ANTXR2: variants seen among roughly 807,000 people sequenced by gnomAD.
ANTXR2 encodes anthrax toxin receptor 2.
Under a neutral mutation model 73.7 loss-of-function variants are expected in ANTXR2, and 44 were observed. The observed-to-expected ratio is 0.60, with a 90% CI of 0.47 to 0.77. The LOEUF (loss-of-function observed/expected upper bound fraction) is 0.77. Ranked by LOEUF, ANTXR2 falls within the 30% of genes least tolerant of loss-of-function variation. ANTXR2 has a pLI of 0.00. For synonymous variants in ANTXR2, 217 were observed against 205.9 expected, an observed-to-expected ratio of 1.05 and a Z score of -0.46; for missense variants, 604 against 592.5, an observed-to-expected ratio of 1.02 and a Z score of -0.20.
chr4:80,056,695 C>T (rs1343931070), intron 3 of ANTXR2, among the ~76,000 whole-genome samples: 2 of 151,680 alleles, frequency 1.3e-5, no homozygotes, highest in African/African-American at 4.8e-5. Context: ...GTAATGAATC[C>T]TTGGAAGAGA....
intron 7 of ANTXR2, among the ~76,000 whole-genome samples, chr4:80,053,849 G>C (rs889146081): frequency 6.6e-6 from 1 of 151,662 alleles, no homozygotes; most frequent in African/African-American, 2.4e-5. Flanking sequence ...TAGTCAAATA[G>C]CCACTAGTTC....
chr4:79,995,747 T>A (rs1730693772), intron 12 of ANTXR2, among the ~76,000 whole-genome samples: 1 of 152,008 alleles, frequency 6.6e-6, no homozygotes, highest in Admixed American at 6.6e-5. Context: ...TTTGTGTGAA[T>A]AATTCATGAC....
chr4:80,067,066 C>A (rs918394336), intron 3 of ANTXR2, among the ~76,000 whole-genome samples: 1 of 152,018 alleles, frequency 6.6e-6, no homozygotes, highest in Non-Finnish European at 1.5e-5. Flanking sequence ...ATTAGCCGGG[C>A]GTGGTGGTGG....
chr4:79,911,906 G>A (rs1727159282), intron 16 of ANTXR2, among the ~76,000 whole-genome samples: 1 of 151,670 alleles, frequency 6.6e-6, no homozygotes, highest in South Asian at 2.1e-4. Context: ...TACTCAATTA[G>A]GCAATCAATA....
chr4:79,960,559 T>G (rs1729103892), intron 16 of ANTXR2, among the ~76,000 whole-genome samples: 2 of 152,020 alleles, frequency 1.3e-5, no homozygotes, highest in Non-Finnish European at 2.9e-5. Flanking sequence ...ACTAAGAAAG[T>G]GTTAACCCAA....
chr4:79,912,537 T>C (rs924814921), intron 16 of ANTXR2, among the ~76,000 whole-genome samples: 2 of 152,074 alleles, frequency 1.3e-5, no homozygotes, highest in Non-Finnish European at 2.9e-5. Context: ...ACATAGTTAG[T>C]GAATTTCTGT....
intron 16 of ANTXR2, among the ~76,000 whole-genome samples, chr4:79,949,423 G>A (rs1728624729): frequency 1.3e-5 from 2 of 152,108 alleles, no homozygotes; most frequent in South Asian, 4.2e-4. Flanking sequence ...GTCCCAGGTG[G>A]GTGACCATAC....
Position 80,028,577 on chromosome 4 carries a change from G to A in ANTXR2, c.866+3046C>T, listed in dbSNP as rs1394032282. 2.0e-5 allele frequency among the ~76,000 whole-genome samples: 3 copies of A among 152,258 alleles called. No individual in the cohort carries two copies. The East Asian group carries it at 5.8e-4, about 29-fold the overall frequency. On this transcript the variant is annotated intron_variant, in intron 10 of 16. Transcript: ENST00000403729. The stretch of plus-strand genomic sequence containing the variant: ...TCTAGGGTTACTTCACCAGCATGTT[G>A]TTAATTATTTAAGTGAGAGAATGAG...
chr4:80,059,902 G>A (rs961198477), intron 3 of ANTXR2, among the ~76,000 whole-genome samples: 8 of 152,072 alleles, frequency 5.3e-5, no homozygotes, highest in African/African-American at 1.4e-4. Context: ...CTGAAATCAT[G>A]GTGTCATAAA....
At position 79,904,928 on chromosome 4, in the gene ANTXR2, A is replaced by G. The variant is rs975871505; in HGVS notation, c.*2501T>C. 1 of 152,190 alleles carries G rather than the reference A, an allele frequency of 6.6e-6. No individual in the cohort carries two copies. Among genetic ancestry groups the G allele is most frequent in the African/African-American group, 2.4e-5 (1 of 41,454 alleles). The allele number at this position is 152,190 out of a possible 1,614,324, so 9.4% of individuals were successfully genotyped here. On this transcript the variant is annotated 3_prime_UTR_variant, in exon 17 of 17. Coordinates refer to ENST00000403729, the MANE Select transcript of ANTXR2 (RefSeq NM_058172.6). ...GTAAGAAAATAACACTCTTCAAAACAAATTCTTTTCAACTGCTAGTTAGTA... is the reference window on the plus strand; with the variant it reads ...GTAAGAAAATAACACTCTTCAAAACGAATTCTTTTCAACTGCTAGTTAGTA...
At chr4:80,012,448 TTATA>T (rs1185347092) in intron 11 of ANTXR2, among the ~76,000 whole-genome samples, 1 of 152,152 alleles carries the variant, frequency 6.6e-6, no homozygotes, top group African/African-American at 2.4e-5. Context: ...AGCCATTTGT[TTATA>T]TAATGTCTAT....
chr4:80,021,292 C>T (rs1578162510), intron 10 of ANTXR2, among the ~76,000 whole-genome samples: 1 of 151,626 alleles, frequency 6.6e-6, no homozygotes, highest in African/African-American at 2.4e-5. Context: ...AAAACTTAAA[C>T]CTAATTGCTC....
chr4:80,041,515 A>G (rs1733247275), intron 7 of ANTXR2, among the ~76,000 whole-genome samples: 1 of 151,954 alleles, frequency 6.6e-6, no homozygotes, highest in Non-Finnish European at 1.5e-5. Flanking sequence ...CAGATTTGTT[A>G]CATACGTCAA....
intron 8 of ANTXR2, among the ~76,000 whole-genome samples, chr4:80,035,687 T>G (rs979253571): frequency 3.3e-5 from 5 of 152,138 alleles, no homozygotes; most frequent in African/African-American, 1.2e-4. Context: ...ATTTCATATT[T>G]TATTTTATTT....
intron 16 of ANTXR2, among the ~76,000 whole-genome samples, chr4:79,933,653 A>G (rs1356531676): frequency 2.7e-5 from 4 of 148,860 alleles, no homozygotes; most frequent in Admixed American, 2.7e-4. Context: ...TGCACCCATT[A>G]ACTCTTCATT....
intron 7 of ANTXR2, among the ~76,000 whole-genome samples, chr4:80,043,726 C>G (rs143944752): frequency 1.3e-5 from 2 of 151,956 alleles, no homozygotes; most frequent in Admixed American, 6.6e-5. Context: ...AAGTCCAGAT[C>G]CAGCCGTAAG....
At chr4:79,929,510 TCAACAACAA>T (rs201601780) in intron 16 of ANTXR2, among the ~76,000 whole-genome samples, 4 of 152,026 alleles carry the variant, frequency 2.6e-5, no homozygotes, top group African/African-American at 9.7e-5. Context: ...AGACTCAGTA[TCAACAACAA>T]CAACAACAAC....
intron 12 of ANTXR2, among the ~76,000 whole-genome samples, chr4:80,003,954 C>T (rs892743347): frequency 9.9e-5 from 15 of 152,044 alleles, no homozygotes; most frequent in African/African-American, 3.6e-4. Context: ...AAAACCTGTA[C>T]ATAAATGTTC....
chr4:80,043,354 T>C (rs1733366362), intron 7 of ANTXR2, among the ~76,000 whole-genome samples: 1 of 152,034 alleles, frequency 6.6e-6, no homozygotes, highest in Non-Finnish European at 1.5e-5. Context: ...TGAAACCTTC[T>C]CTCCTACTTA....
Sources: allele counts gnomAD v4.1 joint callset (sites outside exome capture counted in the v4.1 genomes callset), GRCh38; gene constraint gnomAD v4.1.1; transcripts MANE v1.5; gene names NCBI Gene and HGNC (gene_info 2026-07-23, HGNC 2026-07-21).